GAS2: variants seen among roughly 807,000 people sequenced by gnomAD.
The protein encoded by GAS2 is growth arrest specific 2.
In GAS2, 20 loss-of-function variants were observed where a neutral mutation model predicts 37.5. The observed-to-expected ratio is 0.53, with a 90% CI of 0.37 to 0.77. The LOEUF (loss-of-function observed/expected upper bound fraction) is 0.77. Among genes scored for constraint, GAS2 ranks in the 30% least tolerant of loss-of-function variants. The pLI, the probability that GAS2 is intolerant of heterozygous loss-of-function variation, is 0.00. For missense variants in GAS2, 336 were observed against 373.4 expected, an observed-to-expected ratio of 0.90 and a Z score of 0.82; for synonymous variants, 144 against 132.2, an observed-to-expected ratio of 1.09 and a Z score of -0.61.
chr11:22,630,847 A>G (rs868033345), intron 1 of GAS2, among the ~76,000 whole-genome samples: 9 of 152,106 alleles, frequency 5.9e-5, no homozygotes, highest in Admixed American at 2.6e-4. Flanking sequence ...GTTCCATATG[A>G]ATTTTATGAT....
Position 22,649,642 on chromosome 11 carries a change from T to G in GAS2, c.-21+23829T>G, listed in dbSNP as rs188588401. On this transcript the variant is annotated intron_variant, in intron 1 of 5. Coordinates refer to the GAS2 transcript ENST00000528582. ...GATTCAACTTCTTCCTGGTTTAGTC[T>G]TGGGAGAGCGTATGTGTCGAGGAAT... 8.5e-5 allele frequency among the ~76,000 whole-genome samples: 13 copies of G among 152,354 alleles called. No homozygotes were observed. The East Asian group carries it at 2.5e-3, about 29-fold the overall frequency.
intron 1 of GAS2, among the ~76,000 whole-genome samples, chr11:22,673,387 A>T (rs1849282537): frequency 6.6e-6 from 1 of 152,230 alleles, no homozygotes; most frequent in Non-Finnish European, 1.5e-5. Flanking sequence ...AAATGCCATA[A>T]ATACTGCAAT....
At chr11:22,643,321 A>G (rs1329479898) in intron 1 of GAS2, among the ~76,000 whole-genome samples, 1 of 152,124 alleles carries the variant, frequency 6.6e-6, no homozygotes, top group Non-Finnish European at 1.5e-5. Flanking sequence ...AATGCCCAGA[A>G]TCTGAGCATT....
chr11:22,764,429 A>G (rs1226617292), intron 7 of GAS2, among the ~76,000 whole-genome samples: 1 of 151,974 alleles, frequency 6.6e-6, no homozygotes. Flanking sequence ...GCGTGGTGGC[A>G]GGCGACTGTA....
intron 3 of GAS2, among the ~76,000 whole-genome samples, chr11:22,692,506 G>A (rs1565090697): frequency 1.3e-5 from 2 of 152,122 alleles, no homozygotes; most frequent in Admixed American, 6.6e-5. Flanking sequence ...GACAACTTGA[G>A]GCAAAGGCAG....
Position 22,648,195 on chromosome 11 carries a change from G to A in GAS2, c.-21+22382G>A, listed in dbSNP as rs1267670279. On this transcript the variant is annotated intron_variant, in intron 1 of 5. Transcript: ENST00000528582. ...TTAAATAGGGAATCCTTTCCCCATT[G>A]CTTGTTTTTCTCAGGTTTGTCAAAG... Among the ~76,000 whole-genome samples the A allele has an allele frequency of 1.6e-4, 24 of 151,922 alleles. No homozygotes were observed. The South Asian group carries it at 5.0e-3, about 32-fold the overall frequency.
At chr11:22,697,143 A>G (rs560769914) in intron 3 of GAS2, among the ~76,000 whole-genome samples, 13 of 152,278 alleles carry the variant, frequency 8.5e-5, no homozygotes, top group South Asian at 2.1e-4. Context: ...AAGGAATCCA[A>G]TTTTAGCTTT....
chr11:22,660,270 G>A (rs1403366925), intron 1 of GAS2, among the ~76,000 whole-genome samples: 1 of 152,128 alleles, frequency 6.6e-6, no homozygotes, highest in African/African-American at 2.4e-5. Flanking sequence ...GTTAGGAAGC[G>A]AGGAGGGGAA....
At chr11:22,804,002 T>C (rs1385595770) in intron 7 of GAS2, among the ~76,000 whole-genome samples, 1 of 152,042 alleles carries the variant, frequency 6.6e-6, no homozygotes, top group Non-Finnish European at 1.5e-5. Context: ...GAGATGCATG[T>C]AACAGTGAAA....
At chr11:22,654,718 A>G (rs1848836364) in intron 1 of GAS2, among the ~76,000 whole-genome samples, 2 of 152,178 alleles carry the variant, frequency 1.3e-5, no homozygotes. Flanking sequence ...GAATGAAATG[A>G]CATGCAAGAA....
At chr11:22,632,008 T>C (rs916852056) in intron 1 of GAS2, among the ~76,000 whole-genome samples, 1 of 151,516 alleles carries the variant, frequency 6.6e-6, no homozygotes, top group Non-Finnish European at 1.5e-5. Context: ...CTGCTTATGA[T>C]TGGCTTATTC....
At chr11:22,758,989 C>T (rs2134353425) in intron 7 of GAS2, among the ~76,000 whole-genome samples, 1 of 150,874 alleles carries the variant, frequency 6.6e-6, no homozygotes, top group East Asian at 2.0e-4. Flanking sequence ...TAACTCTTGA[C>T]TGATGCTTAA....
chr11:22,789,422 T>TGA (rs1398100157), intron 7 of GAS2, among the ~76,000 whole-genome samples: 1 of 42,836 alleles, frequency 2.3e-5, no homozygotes, highest in Non-Finnish European at 4.2e-5. Flanking sequence ...GTATCTCATA[T>TGA]GAGATATATA....
intron 7 of GAS2, among the ~76,000 whole-genome samples, chr11:22,789,301 TATACACACACAC>T (rs1339073583): frequency 6.7e-4 from 66 of 98,200 alleles, no homozygotes; most frequent in East Asian, 2.4e-3. Flanking sequence ...TATATATATA[TATACACACACAC>T]ACACACACAC....
chr11:22,638,642 A>G (rs550127293), intron 1 of GAS2, among the ~76,000 whole-genome samples: 82 of 152,258 alleles, frequency 5.4e-4, no homozygotes, highest in African/African-American at 1.8e-3. Flanking sequence ...CGTTGCACGC[A>G]GCTTGCTATT....
chr11:22,702,380 T>A (rs1447751066), intron 3 of GAS2: 1 of 152,180 alleles, frequency 6.6e-6, no homozygotes, highest in Non-Finnish European at 1.5e-5. Flanking sequence ...TTTGTTGAAC[T>A]GTCTGTAGAT....
intron 1 of GAS2, chr11:22,667,128 C>T (rs1477654131): frequency 3.9e-5 from 6 of 152,254 alleles, no homozygotes; most frequent in Non-Finnish European, 8.8e-5. Context: ...GGGTGACTTT[C>T]TGATTCTCTG....
intron 1 of GAS2, among the ~76,000 whole-genome samples, chr11:22,646,896 T>A (rs886450942): frequency 8.6e-5 from 13 of 151,638 alleles, no homozygotes; most frequent in Non-Finnish European, 1.6e-4. Flanking sequence ...TCTTTTTCTT[T>A]CTTTCCTTCT....
At chr11:22,638,965 A>C (rs915719938) in intron 1 of GAS2, among the ~76,000 whole-genome samples, 1 of 151,814 alleles carries the variant, frequency 6.6e-6, no homozygotes, top group South Asian at 2.1e-4. Context: ...TCCCAACTCC[A>C]CTCCACTACC....
Sources: gnomAD v4.1 joint callset for allele counts (sites outside exome capture counted in the v4.1 genomes callset) on GRCh38, gnomAD v4.1.1 for gene constraint, MANE v1.5 for transcripts, NCBI Gene and HGNC (gene_info 2026-07-23, HGNC 2026-07-21) for gene names.